The following LTBP4 variants were observed in gnomAD, a reference collection of about 807,000 sequenced individuals.
LTBP4 encodes the protein latent-transforming growth factor beta-binding protein 4.
LTBP4 carries 93 observed loss-of-function variants against 180.2 expected under a neutral mutation model. That is an observed-to-expected ratio of 0.52 (90% confidence interval 0.44 to 0.61). The LOEUF is 0.61. Ranked by LOEUF, LTBP4 falls within the 20% of genes least tolerant of loss-of-function variation. The pLI is 0.00. For missense variants in LTBP4, 2,116 were observed against 2,256.5 expected (o/e 0.94, Z 1.26); for synonymous variants, 947 against 934.5 (o/e 1.01, Z -0.24).
chr19:40,604,921 A>G lies in LTBP4; in HGVS notation c.251-114A>G, dbSNP rs1473592319. 4 of 941,422 alleles carry G rather than the reference A, an allele frequency of 4.2e-6. No homozygotes were observed. In the Admixed American group the frequency reaches 1.1e-4, roughly 25 times the overall value. 58.3% of individuals were successfully genotyped at this position (941,422 alleles called of 1,614,324 possible). Reference sequence around the variant, plus strand: ...GATGCCAGAATTGGGGCGGGGCCACATGACAGCTAAGGGCGGAGCGACTTA... The same window carrying G: ...GATGCCAGAATTGGGGCGGGGCCACGTGACAGCTAAGGGCGGAGCGACTTA... On this transcript the variant is annotated intron_variant, in intron 1 of 29. Transcript: ENST00000396819.
At position 40,609,765 on chromosome 19, in the gene LTBP4, C is replaced by T. The variant is rs368999152; in HGVS notation, c.1578C>T (p.Arg526=). 26 of 1,611,878 alleles carry T rather than the reference C, an allele frequency of 1.6e-5. No individual in the cohort carries two copies. Among genetic ancestry groups the T allele is most frequent in the East Asian group, 2.2e-5 (1 of 44,848 alleles). ...CCTCAGATGTGGACGAATGTCGCCG[C>T]GTGCCCCCGCCCTGTGCTCCCGGGC... ...TRCIDVDECR[R]VPPPCAPGRC... The change falls in exon 11 of 30, where the codon CGC becomes CGT. Residue 526 remains arginine, a synonymous_variant. Coordinates refer to ENST00000396819, the MANE Select transcript of LTBP4 (RefSeq NM_001042545.2). This position sits in a 1 kb window ranked among gnomAD's most constrained non-coding sequence, Gnocchi z 4.9.
chr19:40,605,453 C>T lies in LTBP4; in HGVS notation c.491C>T (p.Ser164Leu). Residue 164 changes from serine to leucine, a missense_variant, in exon 3 of 30, where the codon TCG becomes TTG. Physicochemically the swap from Ser to Leu is moderately radical, Grantham distance 145. This residue lies in a region of LTBP4 where 469 missense variants were observed against 532.5 expected (regional missense o/e 0.88). Coordinates refer to ENST00000396819, the MANE Select transcript of LTBP4 (RefSeq NM_001042545.2). This position sits in a 1 kb window ranked among gnomAD's most constrained non-coding sequence, Gnocchi z 5.5. Reference protein sequence around the residue: ...SVHVEHPQEASVVVHQVERVS... With the variant: ...SVHVEHPQEALVVVHQVERVS... ...CACGTGGAGCACCCGCAGGAGGCGTCGGTGGTGGTGCACCAGGTGGAGCGT... is the reference window on the plus strand; with the variant it reads ...CACGTGGAGCACCCGCAGGAGGCGTTGGTGGTGGTGCACCAGGTGGAGCGT... 1 of 1,612,730 alleles carries T rather than the reference C, an allele frequency of 6.2e-7. No individual in the cohort carries two copies. Among genetic ancestry groups the T allele is most frequent in the Non-Finnish European group, 8.5e-7 (1 of 1,179,864 alleles).
intron 1 of LTBP4, among the ~76,000 whole-genome samples, chr19:40,602,185 C>G (rs1414679175): frequency 2.3e-3 from 47 of 20,714 alleles, no homozygotes; most frequent in African/African-American, 4.5e-3. Context: ...GTGTGTGTGG[C>G]GGCGGGGGTG....
chr19:40,608,495 A>C lies in LTBP4; in HGVS notation c.1318A>C (p.Thr440Pro). The part of the protein sequence containing the change: ...TSRPSAGFLP[T>P]HRLEPRPEPR... ...CCCTTCTTTATCAGGCTTTCTGCCC[A>C]CCCATCGCCTGGAGCCCCGGCCTGA... Residue 440 changes from threonine to proline, a missense_variant, in exon 9 of 30, where the codon ACC becomes CCC. Transcript: ENST00000396819. 6.2e-7 allele frequency: 1 copy of C among 1,603,588 alleles called. No homozygotes were observed. Among genetic ancestry groups the C allele is most frequent in the Non-Finnish European group, 8.5e-7 (1 of 1,175,406 alleles).
rs1424711641 is a variant in LTBP4, at chr19:40,605,302, G to T, written c.442+76G>T. Reference sequence around the variant, plus strand: ...TTTGCCCCTGACCCTCATATTTCCCGCCTTCCCGAGCACCTTTGCCCAGCT... The same window carrying T: ...TTTGCCCCTGACCCTCATATTTCCCTCCTTCCCGAGCACCTTTGCCCAGCT... On this transcript the variant is annotated intron_variant, in intron 2 of 29. Transcript: ENST00000396819. This position sits in a 1 kb window ranked among gnomAD's most constrained non-coding sequence, Gnocchi z 5.5. The T allele has an allele frequency of 1.9e-6, 3 of 1,559,554 alleles. No homozygotes were observed. The highest frequency in any genetic ancestry group is 1.7e-6 in the Non-Finnish European group (2 of 1,150,278).
chr19:40,600,946 G>A (rs887321964), upstream of LTBP4, among the ~76,000 whole-genome samples: 5 of 152,152 alleles, frequency 3.3e-5, no homozygotes, highest in African/African-American at 1.2e-4. This position sits in a 1 kb window ranked among gnomAD's most constrained non-coding sequence, Gnocchi z 4.4. Context: ...GATGTACCAT[G>A]ATAGCCCCCT....
rs2081452276 is a variant in LTBP4 at position 40,605,403 on chromosome 19, A to T, written c.443-2A>T. ...CCGTTTGCCCGGCCGTGCCTCCCCT[A>T]GGCGTGGCATCTATGGTGAGCGTCC... On this transcript the variant is annotated splice_acceptor_variant, in intron 2 of 29. Coordinates refer to ENST00000396819, the MANE Select transcript of LTBP4 (RefSeq NM_001042545.2). LOFTEE classifies it high-confidence loss of function. The surrounding 1 kb of genome is among the most constrained non-coding windows in gnomAD (Gnocchi z 5.5). 6.2e-7 allele frequency: 1 copy of T among 1,612,578 alleles called. No individual in the cohort carries two copies. The highest frequency in any genetic ancestry group is 1.3e-5 in the African/African-American group (1 of 74,874).
Position 40,629,064 on chromosome 19 carries a change from C to T in LTBP4, c.4520-332C>T, listed in dbSNP as rs1222120130. On this transcript the variant is annotated intron_variant, in intron 29 of 29. Transcript: ENST00000396819. The surrounding 1 kb of genome is among the most constrained non-coding windows in gnomAD (Gnocchi z 4.5). Reference sequence around the variant, plus strand: ...GGGGTCTCACCATGTTGGCCAGGTTCGTCTCGAACTCCGGCCTCAAGTGAT... The same window carrying T: ...GGGGTCTCACCATGTTGGCCAGGTTTGTCTCGAACTCCGGCCTCAAGTGAT... 6.6e-6 allele frequency among the ~76,000 whole-genome samples: 1 copy of T among 151,980 alleles called. No individual in the cohort carries two copies. The highest frequency in any genetic ancestry group is 1.9e-4 in the East Asian group (1 of 5,170).
rs951058443 is a variant in LTBP4, at chr19:40,611,574, C to T, written c.2053+180C>T. On this transcript the variant is annotated intron_variant, in intron 13 of 29. Coordinates refer to ENST00000396819, the MANE Select transcript of LTBP4 (RefSeq NM_001042545.2). This position sits in a 1 kb window ranked among gnomAD's most constrained non-coding sequence, Gnocchi z 4.4. ...ACAAAATAAGGCAGTCCTCCCCACC[C>T]CTCCTCCCTTTTTGAAAGATACTCT... Among the ~76,000 whole-genome samples, 2 of 152,168 alleles carry T rather than the reference C, an allele frequency of 1.3e-5. No individual in the cohort carries two copies. Among genetic ancestry groups the T allele is most frequent in the Non-Finnish European group, 2.9e-5 (2 of 68,028 alleles).
At position 40,605,917 on chromosome 19, in the gene LTBP4, C is replaced by A; in HGVS notation, c.793+86C>A. 7.1e-7 allele frequency: 1 copy of A among 1,402,638 alleles called. No individual in the cohort carries two copies. Among genetic ancestry groups the A allele is most frequent in the Non-Finnish European group, 9.6e-7 (1 of 1,043,592 alleles). The allele number at this position is 1,402,638 out of a possible 1,614,324, so 86.9% of individuals were successfully genotyped here. ...CCTCCTACTCTGCCCTAGATAAACC[C>A]AGTTCACAAATTGTAGCCACGCCTA... On this transcript the variant is annotated intron_variant, in intron 4 of 29. Transcript: ENST00000396819. This position sits in a 1 kb window ranked among gnomAD's most constrained non-coding sequence, Gnocchi z 5.5.
In LTBP4 at chr19:40,608,312, C is replaced by A. The variant is rs2081478242; in HGVS notation, c.1249C>A (p.Pro417Thr). Reference protein sequence around the residue: ...YNTRPLGQEPPRVSLSQPRTL... With the variant: ...YNTRPLGQEPTRVSLSQPRTL... ...CACCAGACCCCTGGGCCAGGAGCCA[C>A]CCCGAGTGTCACTCAGCCAGCCTCG... The change falls in exon 8 of 30, where the codon CCC becomes ACC. Residue 417 changes from proline (P) to threonine (T), a missense_variant. Coordinates refer to ENST00000396819, the MANE Select transcript of LTBP4 (RefSeq NM_001042545.2). The A allele has an allele frequency of 1.2e-6, 2 of 1,613,804 alleles. No individual in the cohort carries two copies. The highest frequency in any genetic ancestry group is 4.5e-5 in the East Asian group (2 of 44,878).
chr19:40,629,226 G>A lies in LTBP4; in HGVS notation c.4520-170G>A. 4.2e-6 allele frequency: 3 copies of A among 717,814 alleles called. No individual in the cohort carries two copies. Among genetic ancestry groups the A allele is most frequent in the Non-Finnish European group, 7.0e-6 (3 of 425,960 alleles). The allele number at this position is 717,814 out of a possible 1,614,324, so 44.5% of individuals were successfully genotyped here. On this transcript the variant is annotated intron_variant, in intron 29 of 29. Coordinates refer to ENST00000396819, the MANE Select transcript of LTBP4 (RefSeq NM_001042545.2). This position sits in a 1 kb window ranked among gnomAD's most constrained non-coding sequence, Gnocchi z 4.5. ...TTACAGAACACGAAACTGAAGCACA[G>A]TGAGGTTAAGCCACCTGGCCGGGCT...
At chr19:40,596,932 C>G (rs1015161740), upstream of LTBP4, among the ~76,000 whole-genome samples, 34 of 152,222 alleles carry the variant, frequency 2.2e-4, no homozygotes, top group East Asian at 6.6e-3. Context: ...CCTGGGACCT[C>G]TGTTCCACGA....
intron 24 of LTBP4, 122 bp from the exon 25 acceptor site, chr19:40,623,482 C>A (rs1256152421): frequency 3.1e-6 from 4 of 1,294,172 alleles, no homozygotes; most frequent in Non-Finnish European, 4.2e-6. Flanking sequence ...GCCTCTCCAT[C>A]TTTCTTTCCC....
intron 22 of LTBP4, among the ~76,000 whole-genome samples, chr19:40,621,390 C>A (rs1367530955): frequency 6.6e-6 from 1 of 152,188 alleles, no homozygotes; most frequent in African/African-American, 2.4e-5. Context: ...TCTTCTGTTT[C>A]TGCATTAATT....
chr19:40,614,170 C>A, intron 18 of LTBP4, 132 bp downstream of exon 18: 1 of 1,439,798 alleles, frequency 6.9e-7, no homozygotes, highest in African/African-American at 1.4e-5. Flanking sequence ...CTCTCCTAGC[C>A]TCCCCAACTC....
At chr19:40,608,394 G>T (rs760223389) in intron 8 of LTBP4, 25 bp downstream of exon 8, 29 of 1,609,216 alleles carry the variant, frequency 1.8e-5, no homozygotes, top group East Asian at 6.7e-5. Flanking sequence ...GCAGAAGTGG[G>T]TGCCATCTTC....
rs747495668 is a variant in LTBP4 at position 40,627,295 on chromosome 19, C to T, written c.4306C>T (p.Arg1436Trp). Residue 1436 changes from arginine to tryptophan, a missense_variant, in exon 28 of 30, where the codon CGG becomes TGG. Arg to Trp is a moderately radical substitution (Grantham distance 101). Around this residue, in one of 5 missense-constraint regions of LTBP4, gnomAD observed 488 missense variants for 458.8 expected, o/e 1.06. Transcript: ENST00000396819. ...GPGTRWPYRS[R>W]DTRRSFPEPE... Reference sequence around the variant, plus strand: ...GGGCACCCGCTGGCCCTATCGGTCCCGGGACACCCGCCGCTCCTTCCCAGA... The same window carrying T: ...GGGCACCCGCTGGCCCTATCGGTCCTGGGACACCCGCCGCTCCTTCCCAGA... 1.1e-5 allele frequency: 17 copies of T among 1,497,638 alleles called. No individual in the cohort carries two copies. The highest frequency in any genetic ancestry group is 1.4e-5 in the Non-Finnish European group (16 of 1,124,894). 92.8% of individuals were successfully genotyped at this position (1,497,638 alleles called of 1,614,324 possible). A position where few individuals can be genotyped will look rare whatever the true frequency, so the allele number is the denominator to read the frequency against.
intron 21 of LTBP4, among the ~76,000 whole-genome samples, chr19:40,618,177 C>G (rs1396157398): frequency 6.6e-6 from 1 of 151,946 alleles, no homozygotes; most frequent in East Asian, 1.9e-4. Flanking sequence ...CATCCTCCCT[C>G]CAGAACTGAG....
Sources: allele counts gnomAD v4.1 joint callset (sites outside exome capture counted in the v4.1 genomes callset), GRCh38; gene constraint gnomAD v4.1.1; regional missense constraint gnomAD v4.1.1; non-coding constraint Gnocchi (gnomAD v3.1); transcripts MANE v1.5; gene names NCBI Gene and HGNC (gene_info 2026-07-23, HGNC 2026-07-21).